The following DNAH6 variants were observed in gnomAD, a reference collection of about 807,000 sequenced individuals.
DNAH6 encodes the protein dynein axonemal heavy chain 6, also known as axonemal beta dynein heavy chain 6.
A neutral mutation model predicts 491.4 loss-of-function variants in DNAH6; 340 were observed. That is an observed-to-expected ratio of 0.69 (90% CI 0.63 to 0.76). The LOEUF (loss-of-function observed/expected upper bound fraction) is 0.76, where lower values mean the gene tolerates loss of function less well. Among genes scored for constraint, DNAH6 ranks in the 30% least tolerant of loss-of-function variants. DNAH6 has a pLI of 0.00. For missense variants in DNAH6, 4,443 were observed against 4,972.2 expected, an observed-to-expected ratio of 0.89 and a Z score of 3.20; for synonymous variants, 1,603 against 1,686.1, an observed-to-expected ratio of 0.95 and a Z score of 1.21.
chr2:84,540,832 C>T (rs1678173551), intron 4 of DNAH6, among the ~76,000 whole-genome samples: 1 of 152,034 alleles, frequency 6.6e-6, no homozygotes, highest in African/African-American at 2.4e-5. Flanking sequence ...CAAGAAAGCA[C>T]TACATATATT....
At chr2:84,748,261 T>G (rs1673155435) in intron 63 of DNAH6, among the ~76,000 whole-genome samples, 1 of 152,170 alleles carries the variant, frequency 6.6e-6, no homozygotes. Flanking sequence ...TTTTCCAAAT[T>G]TTTACCCTCA....
At chr2:84,787,605 G>A (rs140670590) in intron 68 of DNAH6, among the ~76,000 whole-genome samples, 2,086 of 152,146 alleles carry the variant, frequency 0.014, 18 homozygotes, top group African/African-American at 0.026. Flanking sequence ...TTTAATCCTC[G>A]TAATAACCTT....
chr2:84,712,536 G>A (rs186745161), intron 56 of DNAH6, among the ~76,000 whole-genome samples: 1 of 152,298 alleles, frequency 6.6e-6, no homozygotes, highest in East Asian at 1.9e-4. Flanking sequence ...AGAGAGCCAG[G>A]GAGTAAATGT....
At chr2:84,664,444 G>A (rs1691867409) in intron 37 of DNAH6, among the ~76,000 whole-genome samples, 1 of 152,136 alleles carries the variant, frequency 6.6e-6, no homozygotes, top group African/African-American at 2.4e-5. Flanking sequence ...AGCAGGGGTT[G>A]CAATCTTAGT....
chr2:84,566,424 T>A (rs1184445024), intron 11 of DNAH6, among the ~76,000 whole-genome samples: 3 of 152,094 alleles, frequency 2.0e-5, no homozygotes, highest in Admixed American at 1.3e-4. Flanking sequence ...GACACTTTTA[T>A]GTTTTTAAAA....
upstream of DNAH6, among the ~76,000 whole-genome samples, chr2:84,511,661 C>T (rs940688101): frequency 2.0e-5 from 3 of 152,220 alleles, no homozygotes; most frequent in African/African-American, 4.8e-5. Flanking sequence ...TCTTCTGTAT[C>T]GCTCACGCTG....
upstream of DNAH6, chr2:84,516,474 G>C (rs1675601754): frequency 6.6e-6 from 1 of 152,170 alleles, no homozygotes; most frequent in South Asian, 2.1e-4. Context: ...GAGGCCAGCT[G>C]GTTGCTACGC....
At chr2:84,675,217 A>G (rs748758006) in intron 40 of DNAH6, among the ~76,000 whole-genome samples, 5 of 152,066 alleles carry the variant, frequency 3.3e-5, no homozygotes, top group Admixed American at 6.5e-5. Context: ...TGATGTGCTC[A>G]TCTTGTGTTG....
intron 18 of DNAH6, among the ~76,000 whole-genome samples, chr2:84,597,179 A>T (rs753213350): frequency 6.6e-5 from 10 of 152,220 alleles, no homozygotes; most frequent in Non-Finnish European, 1.5e-4. Flanking sequence ...AAATAATACA[A>T]CATGCAGCCT....
chr2:84,544,198 T>G, intron 4 of DNAH6, 35 bp from the exon 5 acceptor site: 1 of 1,159,470 alleles, frequency 8.6e-7, no homozygotes, highest in Non-Finnish European at 1.2e-6. Flanking sequence ...TATTGAATAC[T>G]TTATTTATTA....
chr2:84,681,598 G>A (rs1046953599), intron 42 of DNAH6, 70 bp downstream of exon 42: 8 of 1,370,276 alleles, frequency 5.8e-6, no homozygotes, highest in Non-Finnish European at 7.7e-6. Context: ...AAATATCTCA[G>A]TAACATTGTA....
intron 62 of DNAH6, among the ~76,000 whole-genome samples, chr2:84,740,563 C>G (rs946362211): frequency 6.6e-6 from 1 of 152,122 alleles, no homozygotes; most frequent in Non-Finnish European, 1.5e-5. Context: ...TTCTTTTATC[C>G]AAGGGGGTCT....
chr2:84,494,710 G>T, the DNAH6 span, among the ~76,000 whole-genome samples: 1 of 152,184 alleles, frequency 6.6e-6, no homozygotes, highest in African/African-American at 2.4e-5. Context: ...CAGATATAAT[G>T]CATTTCCTGT....
Position 84,719,909 on chromosome 2 carries a change from CACAA to C in DNAH6, c.9792+1529_9792+1532del, listed in dbSNP as rs1348612630. On this transcript the variant is annotated intron_variant, in intron 59 of 76. Coordinates refer to ENST00000389394, the MANE Select transcript of DNAH6 (RefSeq NM_001370.2). ...ACACACACACACACAGACACACACA[CACAA>C]ACACACACACCTTCCCATCCTCTGG... Among the ~76,000 whole-genome samples the C allele has an allele frequency of 7.4e-4, 113 of 151,950 alleles. 1 individual carries two copies. The highest frequency in any genetic ancestry group is 2.5e-3 in the African/African-American group (105 of 41,392).
chr2:84,496,146 G>A, the DNAH6 span, among the ~76,000 whole-genome samples: 2 of 152,126 alleles, frequency 1.3e-5, no homozygotes, highest in African/African-American at 4.8e-5. Flanking sequence ...ATCTACATGG[G>A]ACAGATGTCA....
chr2:84,472,238 G>C, the DNAH6 span, among the ~76,000 whole-genome samples: 1 of 151,696 alleles, frequency 6.6e-6, no homozygotes, highest in South Asian at 2.1e-4. Context: ...TTGAAAGTAT[G>C]ATTAGCTCTT....
the DNAH6 span, among the ~76,000 whole-genome samples, chr2:84,502,321 A>G: frequency 6.6e-6 from 1 of 152,142 alleles, no homozygotes; most frequent in East Asian, 1.9e-4. Flanking sequence ...ACCTATTTGT[A>G]TAGGTCCAAA....
chr2:84,704,031 A>T (rs1407376649), intron 50 of DNAH6, 36 bp from the exon 51 acceptor site: 1 of 1,472,584 alleles, frequency 6.8e-7, no homozygotes, highest in African/African-American at 1.4e-5. Flanking sequence ...AATTCAAATA[A>T]TGAGGCCACT....
chr2:84,816,481 T>C (rs575303936), intron 76 of DNAH6, among the ~76,000 whole-genome samples: 1 of 152,308 alleles, frequency 6.6e-6, no homozygotes, highest in Admixed American at 6.5e-5. Context: ...CCCAGCACTT[T>C]GGGAGACCGA....
Sources: allele counts gnomAD v4.1 joint callset (sites outside exome capture counted in the v4.1 genomes callset), GRCh38; gene constraint gnomAD v4.1.1; transcripts MANE v1.5; gene names NCBI Gene and HGNC (gene_info 2026-07-23, HGNC 2026-07-21).